Variants in IL18 observed in about 807,000 individuals in gnomAD.
IL18 encodes interleukin 18, also known as interleukin-18.
IL18 carries 8 observed loss-of-function variants against 14.2 expected under a neutral mutation model. That is an observed-to-expected ratio of 0.56 (90% CI 0.33 to 1.01). The LOEUF (loss-of-function observed/expected upper bound fraction) is 1.01, where lower values mean the gene tolerates loss of function less well. Ranked by LOEUF, IL18 falls within the 50% of genes least tolerant of loss-of-function variation. The pLI is 0.03. For missense variants in IL18, 166 were observed against 231.1 expected, an observed-to-expected ratio of 0.72 and a Z score of 1.83; for synonymous variants, 67 against 71.0, an observed-to-expected ratio of 0.94 and a Z score of 0.28.
chr11:112,153,628 CAG>C lies in IL18; in HGVS notation c.80-27_80-26del, dbSNP rs748141580. 2.6e-6 allele frequency: 4 copies of C among 1,523,866 alleles called. No individual in the cohort carries two copies. The South Asian group carries it at 3.6e-5, about 14-fold the overall frequency. The allele number at this position is 1,523,866 out of a possible 1,614,324, so 94.4% of individuals were successfully genotyped here. A position where few individuals can be genotyped will look rare whatever the true frequency, so the allele number is the denominator to read the frequency against. The stretch of plus-strand genomic sequence containing the variant: ...GCTAAGAGGGGGAAAAAGAGAGAAA[CAG>C]AATATGTAAAATTTTGTATTTCGAC... On this transcript the variant is annotated intron_variant, in intron 2 of 5. Transcript: ENST00000280357.
At chr11:112,150,800 A>G (rs1487550690) in intron 3 of IL18, 1 of 152,162 alleles carries the variant, frequency 6.6e-6, no homozygotes, top group East Asian at 1.9e-4. Flanking sequence ...CCGCAATTTC[A>G]AATTTTCTTT....
intron 1 of IL18, among the ~76,000 whole-genome samples, chr11:112,158,306 G>A (rs1426018754): frequency 2.0e-5 from 3 of 152,082 alleles, no homozygotes; most frequent in Non-Finnish European, 4.4e-5. Context: ...CTTTTCTTTG[G>A]AAAAAACGTA....
In IL18 at chr11:112,146,359, C is replaced by T. The variant is rs5744275; in HGVS notation, c.360+2244G>A. 6.3e-3 allele frequency among the ~76,000 whole-genome samples: 954 copies of T among 152,186 alleles called. 15 individuals are homozygous for T. The highest frequency in any genetic ancestry group is 0.022 in the African/African-American group (913 of 41,538). Reference sequence around the variant, plus strand: ...TTTTTGAGACAAAGTCTCATTCTGTCGCCCAGGCTGGAGTGCAGTGGTGCG... The same window carrying T: ...TTTTTGAGACAAAGTCTCATTCTGTTGCCCAGGCTGGAGTGCAGTGGTGCG... On this transcript the variant is annotated intron_variant, in intron 5 of 5. Coordinates refer to ENST00000280357, the MANE Select transcript of IL18 (RefSeq NM_001562.4).
intron 3 of IL18, among the ~76,000 whole-genome samples, chr11:112,152,074 G>A (rs1171167866): frequency 1.3e-5 from 2 of 152,128 alleles, no homozygotes; most frequent in Non-Finnish European, 2.9e-5. Context: ...ACCACATGTA[G>A]AAGAGTTTTT....
chr11:112,147,933 A>G (rs184402091), intron 5 of IL18, among the ~76,000 whole-genome samples: 2 of 152,362 alleles, frequency 1.3e-5, no homozygotes, highest in East Asian at 3.9e-4. Flanking sequence ...TCTAACAATA[A>G]TGGAGGAAAT....
intron 1 of IL18, among the ~76,000 whole-genome samples, chr11:112,162,313 A>G (rs1297514743): frequency 6.6e-6 from 1 of 151,488 alleles, no homozygotes; most frequent in Non-Finnish European, 1.5e-5. Flanking sequence ...GGTGAACTGA[A>G]TAGAGCGATG....
chr11:112,156,703 T>C (rs1022702629), intron 1 of IL18, among the ~76,000 whole-genome samples: 14 of 151,998 alleles, frequency 9.2e-5, no homozygotes, highest in Admixed American at 2.6e-4. Flanking sequence ...ACTTGGCCTC[T>C]CAAAGTTCTG....
intron 3 of IL18, 71 bp from the exon 4 acceptor site, chr11:112,150,277 T>C (rs775184740): frequency 3.8e-6 from 4 of 1,058,298 alleles, no homozygotes; most frequent in East Asian, 2.5e-5. Context: ...GTATGCTATA[T>C]ATTTTAGTTT....
intron 3 of IL18, among the ~76,000 whole-genome samples, chr11:112,152,433 C>A (rs977460659): frequency 6.6e-6 from 1 of 152,184 alleles, no homozygotes; most frequent in African/African-American, 2.4e-5. Flanking sequence ...CCTCACCCCA[C>A]ACCATCAATT....
intron 1 of IL18, 69 bp from the exon 2 acceptor site, chr11:112,155,130 T>A (rs1866511088): frequency 1.1e-6 from 1 of 892,784 alleles, no homozygotes; most frequent in African/African-American, 1.6e-5. Flanking sequence ...TTATACTACC[T>A]TCAAGTTCAG....
chr11:112,153,670 C>A (rs887915557), intron 2 of IL18, 67 bp from the exon 3 acceptor site: 8 of 1,176,348 alleles, frequency 6.8e-6, no homozygotes, highest in Admixed American at 2.2e-5. Flanking sequence ...AATTCAATCT[C>A]ATTCTAGCTT....
In IL18 at chr11:112,155,515, G is replaced by A. The variant is rs5744246; in HGVS notation, c.-8-454C>T. Among the ~76,000 whole-genome samples, 516 of 152,230 alleles carry A rather than the reference G, an allele frequency of 3.4e-3. 2 individuals are homozygous for A. The highest frequency in any genetic ancestry group is 0.01 in the African/African-American group (435 of 41,522). Reference sequence around the variant, plus strand: ...TGACTTCATTGTCAAAATGCTAAAGGTGAAACAATGATAAAAAAGTGCTTC... The same window carrying A: ...TGACTTCATTGTCAAAATGCTAAAGATGAAACAATGATAAAAAAGTGCTTC... On this transcript the variant is annotated intron_variant, in intron 1 of 5. Coordinates refer to ENST00000280357, the MANE Select transcript of IL18 (RefSeq NM_001562.4).
At chr11:112,147,379 G>T (rs1357155474) in intron 5 of IL18, among the ~76,000 whole-genome samples, 1 of 152,168 alleles carries the variant, frequency 6.6e-6, no homozygotes, top group Admixed American at 6.5e-5. Context: ...CCACCTGTAG[G>T]TTCGGACTTA....
At chr11:112,146,025 ATTTC>A (rs1866335371) in intron 5 of IL18, among the ~76,000 whole-genome samples, 2 of 118,882 alleles carry the variant, frequency 1.7e-5, no homozygotes, top group Non-Finnish European at 3.4e-5. Flanking sequence ...GGGGAAAGGG[ATTTC>A]TTTCTTTTTT....
chr11:112,151,102 C>T (rs953498645), intron 3 of IL18: 1 of 152,268 alleles, frequency 6.6e-6, no homozygotes, highest in East Asian at 1.9e-4. Flanking sequence ...AATGTGTGAA[C>T]ATTTTTGTAC....
At chr11:112,159,537 G>A (rs1462968199) in intron 1 of IL18, among the ~76,000 whole-genome samples, 1 of 152,164 alleles carries the variant, frequency 6.6e-6, no homozygotes, top group Non-Finnish European at 1.5e-5. Flanking sequence ...AGGAACTGAG[G>A]ATGACTTCGT....
intron 1 of IL18, among the ~76,000 whole-genome samples, chr11:112,162,800 A>G (rs934993194): frequency 1.4e-4 from 22 of 152,220 alleles, no homozygotes; most frequent in Non-Finnish European, 2.9e-4. Context: ...GTTATTTTGA[A>G]GGAAGTTTGT....
At position 112,143,643 on chromosome 11, in the gene IL18, C is replaced by T; in HGVS notation, c.535G>A (p.Glu179Lys). The T allele has an allele frequency of 3.7e-6, 6 of 1,612,908 alleles. No homozygotes were observed. Among genetic ancestry groups the T allele is most frequent in the Non-Finnish European group, 5.1e-6 (6 of 1,179,194 alleles). Residue 179 changes from glutamate to lysine, a missense_variant, in exon 6 of 6, where the codon GAA (glutamate) becomes AAA (lysine). Transcript: ENST00000280357. The stretch of plus-strand genomic sequence containing the variant: ...AACATTATAGATCTATCCCCCAATT[C>T]ATCCTCTTTTTTCAAAATGAGTTTA... ...LFKLILKKED[E>K]LGDRSIMFTV...
chr11:112,157,973 T>C (rs1156988615), intron 1 of IL18, among the ~76,000 whole-genome samples: 2 of 152,174 alleles, frequency 1.3e-5, no homozygotes, highest in Non-Finnish European at 2.9e-5. Context: ...TTCTCTGCCT[T>C]AGCCTCCTGA....
Sources: gnomAD v4.1 joint callset for allele counts (sites outside exome capture counted in the v4.1 genomes callset) on GRCh38, gnomAD v4.1.1 for gene constraint, MANE v1.5 for transcripts, NCBI Gene and HGNC (gene_info 2026-07-23, HGNC 2026-07-21) for gene names.